Variants in ADAMTSL1 observed in about 807,000 individuals in gnomAD.
ADAMTSL1 encodes the protein ADAMTS-like protein 1.
In ADAMTSL1, 126 loss-of-function variants were observed where a neutral mutation model predicts 201.8. The observed-to-expected ratio is 0.62, with a 90% confidence interval of 0.54 to 0.72. The LOEUF is 0.72. Among genes scored for constraint, ADAMTSL1 ranks in the 30% least tolerant of loss-of-function variants. The pLI is 0.00. For missense variants in ADAMTSL1, 2,679 were observed against 2,277.8 expected, an observed-to-expected ratio of 1.18 and a Z score of -3.59; for synonymous variants, 1,121 against 903.4, an observed-to-expected ratio of 1.24 and a Z score of -4.32.
chr9:18,905,978 A>T, intron 27 of ADAMTSL1, 87 bp downstream of exon 27: 1 of 1,199,176 alleles, frequency 8.3e-7, no homozygotes, highest in Non-Finnish European at 1.2e-6. Flanking sequence ...TCCTCCAACT[A>T]ACTTACCACA....
chr9:17,987,130 C>T (rs569830471), intron 1 of ADAMTSL1, among the ~76,000 whole-genome samples: 17 of 152,108 alleles, frequency 1.1e-4, no homozygotes, highest in Admixed American at 7.2e-4. Context: ...CGGAGAGTAT[C>T]TGTAAGTTTT....
At chr9:18,412,300 G>C (rs1818477221) in intron 2 of ADAMTSL1, among the ~76,000 whole-genome samples, 1 of 152,196 alleles carries the variant, frequency 6.6e-6, no homozygotes, top group African/African-American at 2.4e-5. Context: ...CACTGGTGAT[G>C]TTAAGATTAA....
At chr9:18,294,322 T>C (rs954431225) in intron 2 of ADAMTSL1, among the ~76,000 whole-genome samples, 1 of 152,230 alleles carries the variant, frequency 6.6e-6, no homozygotes, top group Non-Finnish European at 1.5e-5. Flanking sequence ...TAAAAGGAAG[T>C]TCTTCCTTGA....
chr9:17,960,373 A>G (rs1482895325), intron 1 of ADAMTSL1, among the ~76,000 whole-genome samples: 2 of 152,198 alleles, frequency 1.3e-5, no homozygotes, highest in African/African-American at 2.4e-5. Flanking sequence ...CTAATTTCCT[A>G]GCTAAGGACT....
chr9:18,706,738 C>G lies in ADAMTSL1; in HGVS notation c.1575-9C>G, dbSNP rs754476595. 6.3e-6 allele frequency: 10 copies of G among 1,586,476 alleles called. No individual in the cohort carries two copies. Among genetic ancestry groups the G allele is most frequent in the Admixed American group, 1.8e-5 (1 of 56,524 alleles). ...TCATCCTGTCCTCTTGTTTGCTTGC[C>G]GACTGCAGGTTCATCCCAGAGGCCT... On this transcript the variant is annotated splice_polypyrimidine_tract_variant and intron_variant, in intron 13 of 28. Coordinates refer to ENST00000380548, the MANE Select transcript of ADAMTSL1 (RefSeq NM_001040272.6).
intron 1 of ADAMTSL1, among the ~76,000 whole-genome samples, chr9:18,049,259 T>A (rs994289422): frequency 1.3e-5 from 2 of 152,196 alleles, no homozygotes; most frequent in African/African-American, 2.4e-5. Context: ...GGAGACACAA[T>A]GTAACTCATT....
chr9:17,986,214 C>A (rs1200737955), intron 1 of ADAMTSL1, among the ~76,000 whole-genome samples: 1 of 152,010 alleles, frequency 6.6e-6, no homozygotes, highest in African/African-American at 2.4e-5. Context: ...AGTCCCGTAT[C>A]CCTGGGTGTT....
At chr9:18,455,888 T>C (rs913538272) in intron 2 of ADAMTSL1, among the ~76,000 whole-genome samples, 1 of 152,074 alleles carries the variant, frequency 6.6e-6, no homozygotes, top group Non-Finnish European at 1.5e-5. Flanking sequence ...TTTTACAGTT[T>C]AAAGAAAGAG....
chr9:18,006,129 C>G (rs1318801964), intron 1 of ADAMTSL1, among the ~76,000 whole-genome samples: 1 of 151,852 alleles, frequency 6.6e-6, no homozygotes, highest in Non-Finnish European at 1.5e-5. Flanking sequence ...TGCTAATATT[C>G]ATAGTGTAAA....
chr9:18,200,658 C>T (rs1481970652), intron 2 of ADAMTSL1, among the ~76,000 whole-genome samples: 1 of 151,792 alleles, frequency 6.6e-6, no homozygotes, highest in African/African-American at 2.4e-5. Flanking sequence ...TTAGGGAAAC[C>T]TTGTGACGTA....
intron 2 of ADAMTSL1, among the ~76,000 whole-genome samples, chr9:18,231,989 G>A (rs889144553): frequency 1.3e-5 from 2 of 152,136 alleles, no homozygotes; most frequent in Non-Finnish European, 2.9e-5. Flanking sequence ...CCTAAAGCTT[G>A]TTCTCAGTAA....
At chr9:18,527,434 A>T (rs1341304512) in intron 2 of ADAMTSL1, among the ~76,000 whole-genome samples, 1 of 152,226 alleles carries the variant, frequency 6.6e-6, no homozygotes, top group Non-Finnish European at 1.5e-5. Flanking sequence ...CTTAGTGAAG[A>T]GATGATAAGA....
At chr9:18,088,849 A>T (rs576886278) in intron 1 of ADAMTSL1, among the ~76,000 whole-genome samples, 1 of 152,340 alleles carries the variant, frequency 6.6e-6, no homozygotes, top group Non-Finnish European at 1.5e-5. Context: ...AATTACACAT[A>T]GAACTCCCAT....
Position 18,271,351 on chromosome 9 carries a change from G to C in ADAMTSL1, c.207+107370G>C, listed in dbSNP as rs181067689. Among the ~76,000 whole-genome samples, 4 of 150,478 alleles carry C rather than the reference G, an allele frequency of 2.7e-5. No individual in the cohort carries two copies. The East Asian group carries it at 8.0e-4, about 30-fold the overall frequency. ...CCCCACTCCCCCCACCCCACAACCCGGTGTGTGATGTTCCCTTCCTGTGTC... is the reference window on the plus strand; with the variant it reads ...CCCCACTCCCCCCACCCCACAACCCCGTGTGTGATGTTCCCTTCCTGTGTC... On this transcript the variant is annotated intron_variant, in intron 2 of 29. Transcript: ENST00000680146.
intron 9 of ADAMTSL1, among the ~76,000 whole-genome samples, chr9:18,666,932 A>G (rs1587842825): frequency 6.6e-6 from 1 of 150,600 alleles, no homozygotes; most frequent in East Asian, 2.0e-4. Context: ...CAATCAGAGA[A>G]CCACCTTTGC....
intron 2 of ADAMTSL1, among the ~76,000 whole-genome samples, chr9:18,432,040 A>C (rs752441495): frequency 2.0e-5 from 3 of 152,138 alleles, no homozygotes; most frequent in Non-Finnish European, 4.4e-5. Flanking sequence ...TGGATGATGA[A>C]TTTTCCTTTT....
chr9:18,691,581 G>C (rs954330332), intron 13 of ADAMTSL1, among the ~76,000 whole-genome samples: 1 of 152,092 alleles, frequency 6.6e-6, no homozygotes, highest in Non-Finnish European at 1.5e-5. Flanking sequence ...GTTGGTGAGG[G>C]GTGAGTCTCT....
chr9:18,275,574 C>T (rs750020347), intron 2 of ADAMTSL1, among the ~76,000 whole-genome samples: 20 of 152,234 alleles, frequency 1.3e-4, no homozygotes, highest in Non-Finnish European at 2.2e-4. Context: ...CACTACAGAT[C>T]TGCCTTTTCT....
chr9:18,086,657 C>T (rs113599537), intron 1 of ADAMTSL1, among the ~76,000 whole-genome samples: 6,930 of 152,160 alleles, frequency 0.046, 234 homozygotes, highest in African/African-American at 0.084. Context: ...CTTCAGTGAT[C>T]GGTAACTGGG....
Sources: gnomAD v4.1 joint callset for allele counts (sites outside exome capture counted in the v4.1 genomes callset) on GRCh38, gnomAD v4.1.1 for gene constraint, MANE v1.5 for transcripts, NCBI Gene and HGNC (gene_info 2026-07-23, HGNC 2026-07-21) for gene names.